ZMYND8: variants seen among roughly 807,000 people sequenced by gnomAD.
ZMYND8 encodes zinc finger MYND-type containing 8.
Under a neutral mutation model 140.8 loss-of-function variants are expected in ZMYND8, and 37 were observed. That is an observed-to-expected ratio of 0.26 (90% confidence interval 0.20 to 0.35). The LOEUF is 0.35. Among genes scored for constraint, ZMYND8 ranks in the 10% least tolerant of loss-of-function variants. ZMYND8 has a pLI of 1.00. For synonymous variants in ZMYND8, 592 were observed against 597.1 expected (o/e 0.99, Z 0.12); for missense variants, 1,068 against 1,570.0 (o/e 0.68, Z 5.40).
chr20:47,238,805 G>GGCT lies in ZMYND8; in HGVS notation c.2615_2617dup (p.Gln872dup), dbSNP rs767445304. 13 of 1,612,956 alleles carry GGCT rather than the reference G, an allele frequency of 8.1e-6. No homozygotes were observed. Among genetic ancestry groups the GGCT allele is most frequent in the Middle Eastern group, 1.6e-4 (1 of 6,084 alleles). On this transcript the variant is annotated inframe_insertion, in exon 15 of 23. Transcript: ENST00000471951. ...ATATCTCGTCCCCTGGGAAGACTGA[G>GGCT]GCTGCTGCTGCTGGTTTTGCTGCTG...
intron 11 of ZMYND8, among the ~76,000 whole-genome samples, chr20:47,271,088 AAAAG>A (rs1339981152): frequency 6.6e-6 from 1 of 152,096 alleles, no homozygotes; most frequent in Non-Finnish European, 1.5e-5. Context: ...AAAGAAAAAA[AAAAG>A]AAAGAAAAAC....
rs747406744 is a variant in ZMYND8 at position 47,238,608 on chromosome 20, T to C, written c.2665+150A>G. ...GTAGCAAAACAATTTTTAAAAATAA[T>C]GCCAAATGGAATGTGCAAGGCCTTC... On this transcript the variant is annotated intron_variant, in intron 15 of 22. Coordinates refer to ENST00000471951, the MANE Select transcript of ZMYND8 (RefSeq NM_001281775.3). 6.5e-6 allele frequency: 9 copies of C among 1,375,650 alleles called. No individual in the cohort carries two copies. In the East Asian group the frequency reaches 1.0e-4, roughly 15 times the overall value. 85.2% of individuals were successfully genotyped at this position (1,375,650 alleles called of 1,614,324 possible). A position where few individuals can be genotyped will look rare whatever the true frequency, so the allele number is the denominator to read the frequency against.
rs898256683 is a variant in ZMYND8, at chr20:47,248,094, C to G, written c.1774+1193G>C. Among the ~76,000 whole-genome samples the G allele has an allele frequency of 5.3e-5, 8 of 152,280 alleles. No homozygotes were observed. The East Asian group carries it at 1.2e-3, about 22-fold the overall frequency. ...CAGTCCAAAGGACATGAATTCAAAT[C>G]CTGCTTTTCTGTTTTTATTACTGGT... On this transcript the variant is annotated intron_variant, in intron 13 of 22. Transcript: ENST00000471951.
intron 12 of ZMYND8, among the ~76,000 whole-genome samples, chr20:47,256,800 G>C (rs1286976000): frequency 6.6e-6 from 1 of 152,130 alleles, no homozygotes; most frequent in African/African-American, 2.4e-5. Context: ...CAAAAAGAAA[G>C]GATGCCTCCT....
Position 47,356,335 on chromosome 20 carries a change from A to G in ZMYND8, c.14+322T>C, listed in dbSNP as rs568956009. 1.4e-4 allele frequency: 175 copies of G among 1,254,556 alleles called. No individual in the cohort carries two copies. The African/African-American group carries it at 2.1e-3, about 15-fold the overall frequency. 77.7% of individuals were successfully genotyped at this position (1,254,556 alleles called of 1,614,324 possible). A position where few individuals can be genotyped will look rare whatever the true frequency, so the allele number is the denominator to read the frequency against. ...GGAAGAGAGAGGGAAGAGGGAAAGA[A>G]AAAAAAAAAAAGAAGGAAAAAAAAA... On this transcript the variant is annotated intron_variant, in intron 1 of 22. Coordinates refer to ENST00000471951, the MANE Select transcript of ZMYND8 (RefSeq NM_001281775.3).
intron 2 of ZMYND8, among the ~76,000 whole-genome samples, chr20:47,317,715 T>A (rs1266391416): frequency 6.6e-6 from 1 of 152,132 alleles, no homozygotes; most frequent in Non-Finnish European, 1.5e-5. Context: ...GGTCAAGGCA[T>A]ATGCTCTCAT....
intron 2 of ZMYND8, among the ~76,000 whole-genome samples, chr20:47,332,527 T>C (rs189829643): frequency 2.0e-5 from 3 of 151,706 alleles, no homozygotes; most frequent in East Asian, 1.9e-4. Flanking sequence ...CTGGGCAACA[T>C]AGCAAGACTC....
chr20:47,231,966 C>A (rs1267571924), intron 16 of ZMYND8, among the ~76,000 whole-genome samples: 2 of 152,224 alleles, frequency 1.3e-5, no homozygotes, highest in Non-Finnish European at 2.9e-5. Context: ...CCAAAACACA[C>A]AGAACTGCGT....
intron 21 of ZMYND8, among the ~76,000 whole-genome samples, chr20:47,219,370 T>A (rs539509249): frequency 6.6e-6 from 1 of 151,714 alleles, no homozygotes; most frequent in Admixed American, 6.6e-5. Context: ...AAAATTTTTT[T>A]AAAAAATTAG....
intron 2 of ZMYND8, among the ~76,000 whole-genome samples, chr20:47,340,807 T>TA (rs11481340): frequency 0.17 from 23,150 of 133,764 alleles, 2,174 homozygotes; most frequent in African/African-American, 0.3. Context: ...TTTTTTAATG[T>TA]AAAAAAAAAA....
chr20:47,278,081 T>A (rs905323254), intron 10 of ZMYND8, among the ~76,000 whole-genome samples: 7 of 152,102 alleles, frequency 4.6e-5, no homozygotes, highest in African/African-American at 1.4e-4. Flanking sequence ...CAAGGAATCC[T>A]CCCAGATCAG....
chr20:47,220,542 A>T (rs753614499), intron 20 of ZMYND8, among the ~76,000 whole-genome samples: 34 of 152,224 alleles, frequency 2.2e-4, no homozygotes, highest in Non-Finnish European at 2.9e-5. Context: ...ACGCAGCACC[A>T]GAGTGGCCCC....
intron 10 of ZMYND8, among the ~76,000 whole-genome samples, chr20:47,280,821 C>T (rs887502010): frequency 6.6e-6 from 1 of 152,038 alleles, no homozygotes; most frequent in Non-Finnish European, 1.5e-5. Flanking sequence ...TGTGAGCATC[C>T]TCTCCTCCCC....
chr20:47,298,252 A>G lies in ZMYND8; in HGVS notation c.453+477T>C. 2.0e-6 allele frequency: 2 copies of G among 985,174 alleles called. No homozygotes were observed. Among genetic ancestry groups the G allele is most frequent in the Non-Finnish European group, 2.4e-6 (2 of 829,750 alleles). 61.0% of individuals were successfully genotyped at this position (985,174 alleles called of 1,614,324 possible). ...TCCCAGCACCTAATAGGCACTCAAGAAATACTTGTTGCACAAAAGAAAGCA... is the reference window on the plus strand; with the variant it reads ...TCCCAGCACCTAATAGGCACTCAAGGAATACTTGTTGCACAAAAGAAAGCA... On this transcript the variant is annotated intron_variant, in intron 4 of 22. Transcript: ENST00000471951. This position sits in a 1 kb window ranked among gnomAD's most constrained non-coding sequence, Gnocchi z 5.0.
chr20:47,245,770 A>T (rs1418968062), intron 14 of ZMYND8, among the ~76,000 whole-genome samples: 1 of 152,198 alleles, frequency 6.6e-6, no homozygotes, highest in Non-Finnish European at 1.5e-5. Context: ...AATCAATCAT[A>T]CTGGATACCG....
intron 14 of ZMYND8, among the ~76,000 whole-genome samples, chr20:47,245,592 G>T (rs1440953972): frequency 1.3e-5 from 2 of 152,202 alleles, no homozygotes; most frequent in African/African-American, 4.8e-5. Context: ...AAGAGAATGA[G>T]ATGTCTGTGG....
intron 13 of ZMYND8, among the ~76,000 whole-genome samples, chr20:47,247,299 GCTC>G (rs1244887094): frequency 6.6e-6 from 1 of 152,210 alleles, no homozygotes; most frequent in Non-Finnish European, 1.5e-5. Flanking sequence ...AAAGCCACTG[GCTC>G]CTCTAGGCGG....
chr20:47,302,011 G>C (rs1438399288), intron 3 of ZMYND8, among the ~76,000 whole-genome samples: 1 of 152,086 alleles, frequency 6.6e-6, no homozygotes, highest in Non-Finnish European at 1.5e-5. Context: ...TGTGAAGGAC[G>C]TGTTTGCTTC....
intron 2 of ZMYND8, among the ~76,000 whole-genome samples, chr20:47,324,396 G>C (rs1215525684): frequency 6.6e-6 from 1 of 151,818 alleles, no homozygotes; most frequent in Non-Finnish European, 1.5e-5. Flanking sequence ...GCGGGTGCCT[G>C]TAATCCCACC....
Sources: gnomAD v4.1 joint callset for allele counts (sites outside exome capture counted in the v4.1 genomes callset) on GRCh38, gnomAD v4.1.1 for gene constraint, Gnocchi (gnomAD v3.1) non-coding constraint, MANE v1.5 for transcripts, NCBI Gene and HGNC (gene_info 2026-07-23, HGNC 2026-07-21) for gene names.